The following CAPN8 variants were observed in gnomAD, a reference collection of about 807,000 sequenced individuals.
CAPN8 encodes the protein calpain 8, also known as calpain-8.
CAPN8 carries 87 observed loss-of-function variants against 80.9 expected under a neutral mutation model. The observed-to-expected ratio is 1.07, with a 90% confidence interval of 0.90 to 1.28. The LOEUF is 1.28. Ranked by LOEUF, CAPN8 falls within the 50% of genes most tolerant of loss-of-function variation. The probability of loss-of-function intolerance (pLI) is 0.00; values close to 1 mark genes in which losing one functional copy is unlikely to be tolerated. For synonymous variants in CAPN8, 299 were observed against 273.8 expected (o/e 1.09, Z -0.91); for missense variants, 757 against 702.0 (o/e 1.08, Z -0.89).
intron 1 of CAPN8, among the ~76,000 whole-genome samples, chr1:223,661,450 C>A (rs1212695204): frequency 6.6e-6 from 1 of 152,076 alleles, no homozygotes; most frequent in African/African-American, 2.4e-5. Flanking sequence ...GCCAACATGG[C>A]AAAACCCTGT....
chr1:223,653,722 T>C (rs1410248001), intron 2 of CAPN8, among the ~76,000 whole-genome samples: 1 of 152,088 alleles, frequency 6.6e-6, no homozygotes, highest in Non-Finnish European at 1.5e-5. Flanking sequence ...TCAATAAAGC[T>C]CATCTGCCAC....
At chr1:223,552,559 C>CA (rs1167143421) in intron 14 of CAPN8, among the ~76,000 whole-genome samples, 15,212 of 65,174 alleles carry the variant, frequency 0.23, 1,575 homozygotes, top group East Asian at 0.27. Flanking sequence ...CAGTCCATCT[C>CA]AAAAAAAAAA....
At chr1:223,624,006 A>AAG (rs1553336948) in intron 6 of CAPN8, among the ~76,000 whole-genome samples, 6 of 150,680 alleles carry the variant, frequency 4.0e-5, no homozygotes, top group African/African-American at 1.5e-4. Flanking sequence ...CTGAAAAAAA[A>AAG]AAAAAAGAAA....
rs559389320 is a variant in CAPN8, at chr1:223,659,336, A to G, written c.238-4937T>C. On this transcript the variant is annotated intron_variant, in intron 1 of 20. Transcript: ENST00000366872. ...TGCCATCTTCACCATCATCATCTTC[A>G]AGTATAGCCACATTGCTTGACCCAG... is the stretch of plus-strand genomic sequence containing the variant. 2.8e-4 allele frequency among the ~76,000 whole-genome samples: 42 copies of G among 152,208 alleles called. No individual in the cohort carries two copies. The South Asian group carries it at 8.5e-3, about 31-fold the overall frequency.
intron 2 of CAPN8, among the ~76,000 whole-genome samples, chr1:223,629,191 T>C (rs937899708): frequency 1.5e-5 from 2 of 134,776 alleles, no homozygotes; most frequent in Non-Finnish European, 3.1e-5. Context: ...GATGTGTACG[T>C]GTAAGAGTGT....
At chr1:223,630,253 T>C (rs1442625774) in intron 2 of CAPN8, among the ~76,000 whole-genome samples, 2 of 151,900 alleles carry the variant, frequency 1.3e-5, no homozygotes, top group Non-Finnish European at 2.9e-5. Context: ...TCTCTCTCTC[T>C]CCCTCTCTTT....
At position 223,628,788 on chromosome 1, in the gene CAPN8, G is replaced by C. The variant is rs774580354; in HGVS notation, c.308-8C>G. On this transcript the variant is annotated splice_region_variant and splice_polypyrimidine_tract_variant and intron_variant, in intron 2 of 20. Coordinates refer to ENST00000366872, the MANE Select transcript of CAPN8 (RefSeq NM_001143962.2). Reference sequence around the variant, plus strand: ...CCAGAAGCCAGCAGTCACCTGCACAGTGTCACAGGGGACACAGATTGGTCA... The same window carrying C: ...CCAGAAGCCAGCAGTCACCTGCACACTGTCACAGGGGACACAGATTGGTCA... 3 of 1,550,600 alleles carry C rather than the reference G, an allele frequency of 1.9e-6. No homozygotes were observed. Among genetic ancestry groups the C allele is most frequent in the Non-Finnish European group, 2.6e-6 (3 of 1,145,574 alleles).
chr1:223,616,235 T>A (rs1246517818), intron 9 of CAPN8, 90 bp from the exon 10 acceptor site: 2 of 1,370,580 alleles, frequency 1.5e-6, no homozygotes, highest in Non-Finnish European at 2.0e-6. Flanking sequence ...TTGATCATCC[T>A]AATGAATGCA....
At chr1:223,653,171 T>A (rs1314885456) in intron 2 of CAPN8, among the ~76,000 whole-genome samples, 2 of 150,830 alleles carry the variant, frequency 1.3e-5, no homozygotes, top group East Asian at 3.9e-4. Context: ...GCTACCCCTC[T>A]GTGAGCCCTC....
At chr1:223,624,819 G>A (rs573786641) in intron 6 of CAPN8, among the ~76,000 whole-genome samples, 5 of 152,164 alleles carry the variant, frequency 3.3e-5, no homozygotes, top group Admixed American at 6.5e-5. Flanking sequence ...AATAGGCCGG[G>A]TGCGGTGGCT....
chr1:223,656,684 T>TTTTTTTTTTTTTTTTTTTTTTTTG (rs1658501594), intron 1 of CAPN8, among the ~76,000 whole-genome samples: 1 of 128,174 alleles, frequency 7.8e-6, no homozygotes, highest in Non-Finnish European at 1.6e-5. Flanking sequence ...TTGTTTTGTT[T>TTTTTTTTTTTTTTTTTTTTTTTTG]TTTTTTTTTT....
At chr1:223,632,105 C>T (rs1657789626) in intron 2 of CAPN8, among the ~76,000 whole-genome samples, 1 of 152,224 alleles carries the variant, frequency 6.6e-6, no homozygotes, top group South Asian at 2.1e-4. Context: ...TCACTCCTGA[C>T]ATTTCACAGG....
intron 2 of CAPN8, among the ~76,000 whole-genome samples, chr1:223,643,733 C>T (rs569085884): frequency 2.6e-5 from 4 of 152,338 alleles, no homozygotes; most frequent in African/African-American, 9.6e-5. Context: ...AAAGTGAGGA[C>T]AGCTAGCAGA....
Position 223,652,131 on chromosome 1 carries a change from T to TA in CAPN8, c.307+2198dup, listed in dbSNP as rs141732780. On this transcript the variant is annotated intron_variant, in intron 2 of 20. Coordinates refer to ENST00000366872, the MANE Select transcript of CAPN8 (RefSeq NM_001143962.2). ...TTTTCATTATACAAATCAACTGTTT[T>TA]AAAAAAATCCCAGCCTGGACGACAT... Among the ~76,000 whole-genome samples, 1,060 of 152,182 alleles carry TA rather than the reference T, an allele frequency of 7.0e-3. 46 individuals are homozygous for TA. The East Asian group carries it at 0.1, about 15-fold the overall frequency.
At chr1:223,625,023 G>A (rs938997325) in intron 6 of CAPN8, among the ~76,000 whole-genome samples, 4 of 152,156 alleles carry the variant, frequency 2.6e-5, no homozygotes, top group Non-Finnish European at 1.5e-5. Flanking sequence ...AACCCGAGAG[G>A]CGGAGCTTGC....
At chr1:223,647,931 T>G (rs1246897031) in intron 2 of CAPN8, among the ~76,000 whole-genome samples, 1 of 152,106 alleles carries the variant, frequency 6.6e-6, no homozygotes, top group Admixed American at 6.5e-5. Context: ...GATATGAAAA[T>G]CACCCCTGAT....
At chr1:223,616,227 G>C in intron 9 of CAPN8, 82 bp from the exon 10 acceptor site, 2 of 1,421,272 alleles carry the variant, frequency 1.4e-6, no homozygotes, top group Non-Finnish European at 1.9e-6. Flanking sequence ...GAAGAAACTT[G>C]ATCATCCTAA....
intron 9 of CAPN8, chr1:223,618,142 AGGCAGGGAACATGG>A: frequency 3.0e-6 from 4 of 1,332,708 alleles, no homozygotes; most frequent in Non-Finnish European, 4.2e-6. Flanking sequence ...ACAGCAAACC[AGGCAGGGAACATGG>A]GGAGCAGGAG....
At chr1:223,662,452 CA>C (rs890807340) in intron 1 of CAPN8, among the ~76,000 whole-genome samples, 5 of 142,218 alleles carry the variant, frequency 3.5e-5, no homozygotes, top group Non-Finnish European at 4.6e-5. Context: ...CTATCTCAAA[CA>C]AAAAAAAAGA....
Sources: allele counts gnomAD v4.1 joint callset (sites outside exome capture counted in the v4.1 genomes callset), GRCh38; gene constraint gnomAD v4.1.1; transcripts MANE v1.5; gene names NCBI Gene and HGNC (gene_info 2026-07-23, HGNC 2026-07-21).